The following PRUNE2 variants were observed in gnomAD, a reference collection of about 807,000 sequenced individuals.
PRUNE2 encodes the protein prune homolog 2 with BCH domain.
In PRUNE2, 164 loss-of-function variants were observed where a neutral mutation model predicts 252.0. The observed-to-expected ratio is 0.65, with a 90% CI of 0.57 to 0.74. The LOEUF (loss-of-function observed/expected upper bound fraction) is 0.74. PRUNE2 is among the 30% of genes least tolerant of loss of function. The pLI is 0.00. For synonymous variants in PRUNE2, 1,292 were observed against 1,350.2 expected, an observed-to-expected ratio of 0.96 and a Z score of 0.94; for missense variants, 3,495 against 3,711.0, an observed-to-expected ratio of 0.94 and a Z score of 1.51.
rs6560557 is a variant in PRUNE2, at chr9:76,871,785, C to T, written c.37-17577G>A. On this transcript the variant is annotated intron_variant, in intron 1 of 18. Coordinates refer to ENST00000376718, the MANE Select transcript of PRUNE2 (RefSeq NM_015225.3). The stretch of plus-strand genomic sequence containing the variant: ...CTGGGACTACAGGTACATGCCACCC[C>T]GCCTGGCCAATTTTTGTATTTTTAG... Among the ~76,000 whole-genome samples the T allele has an allele frequency of 9.0e-3, 1,371 of 152,144 alleles. 8 individuals are homozygous for T. The highest frequency in any genetic ancestry group is 0.024 in the African/African-American group (979 of 41,494).
intron 6 of PRUNE2, among the ~76,000 whole-genome samples, chr9:76,746,834 A>G (rs531881502): frequency 1.6e-4 from 24 of 151,536 alleles, no homozygotes; most frequent in African/African-American, 5.8e-4. Context: ...AGGAGCTCAC[A>G]CCCCTTCTCA....
chr9:76,706,816 G>A lies in PRUNE2; in HGVS notation c.5458C>T (p.Leu1820=), dbSNP rs540233367. Residue 1820 remains leucine (L), a synonymous_variant, in exon 8 of 19, where the codon CTG becomes TTG. Coordinates refer to ENST00000376718, the MANE Select transcript of PRUNE2 (RefSeq NM_015225.3). ...TCAGTGCTATCAGCTGAGAAGCCCA[G>A]CATTTCCAGTTGAGAATTATCTTCG... The part of the protein sequence containing the change: ...KNEDNSQLEM[L]GFSADSTEWW... 24 of 1,600,274 alleles carry A rather than the reference G, an allele frequency of 1.5e-5. No individual in the cohort carries two copies. Among genetic ancestry groups the A allele is most frequent in the Non-Finnish European group, 2.0e-5 (23 of 1,173,540 alleles).
chr9:76,873,764 G>A (rs550411933), intron 1 of PRUNE2, among the ~76,000 whole-genome samples: 5 of 152,274 alleles, frequency 3.3e-5, no homozygotes, highest in African/African-American at 7.2e-5. Context: ...ACACAATATC[G>A]ATGGCATTTA....
At chr9:76,754,959 G>A (rs1200854690) in intron 6 of PRUNE2, among the ~76,000 whole-genome samples, 22 of 108,820 alleles carry the variant, frequency 2.0e-4, no homozygotes, top group Admixed American at 9.9e-5. Flanking sequence ...AGTGAGACTC[G>A]GTCTCAAAAA....
At chr9:76,629,000 C>G (rs537398428) in intron 16 of PRUNE2, among the ~76,000 whole-genome samples, 192 bp downstream of exon 16, 8 of 152,168 alleles carry the variant, frequency 5.3e-5, no homozygotes, top group African/African-American at 1.9e-4. Context: ...AATGCCATCA[C>G]GCCTGGCTAA....
chr9:76,825,015 G>A (rs1187824920), intron 5 of PRUNE2, among the ~76,000 whole-genome samples: 1 of 152,034 alleles, frequency 6.6e-6, no homozygotes, highest in African/African-American at 2.4e-5. Context: ...CGCTGCAAAG[G>A]CCCCACCCCA....
chr9:76,674,640 A>G (rs1272611092), intron 9 of PRUNE2, among the ~76,000 whole-genome samples: 1 of 150,312 alleles, frequency 6.7e-6, no homozygotes, highest in African/African-American at 2.4e-5. Flanking sequence ...AGCTGGAGGC[A>G]TCACACTACC....
At chr9:76,679,994 GA>G (rs1404997585) in intron 9 of PRUNE2, among the ~76,000 whole-genome samples, 2 of 151,986 alleles carry the variant, frequency 1.3e-5, no homozygotes, top group Admixed American at 6.6e-5. Flanking sequence ...GGCAACAAAA[GA>G]AAAAATAGAT....
intron 7 of PRUNE2, among the ~76,000 whole-genome samples, chr9:76,712,130 G>C (rs2046783714): frequency 6.6e-6 from 1 of 152,130 alleles, no homozygotes; most frequent in Admixed American, 6.5e-5. Context: ...AGCTCACATA[G>C]ATACTACTAC....
At chr9:76,821,070 A>G (rs966488148) in intron 6 of PRUNE2, among the ~76,000 whole-genome samples, 7 of 152,224 alleles carry the variant, frequency 4.6e-5, no homozygotes, top group Non-Finnish European at 8.8e-5. Context: ...AAACAAATTC[A>G]AAAGCAACGG....
intron 9 of PRUNE2, among the ~76,000 whole-genome samples, chr9:76,662,764 G>A (rs1418380571): frequency 1.3e-5 from 2 of 152,158 alleles, no homozygotes. Flanking sequence ...GGGGTCCATT[G>A]TTCTTTAGAA....
At chr9:76,628,909 ATCACAGC>A (rs1836174492) in intron 16 of PRUNE2, among the ~76,000 whole-genome samples, 2 of 151,600 alleles carry the variant, frequency 1.3e-5, no homozygotes, top group South Asian at 4.1e-4. Context: ...CAGTGGCACG[ATCACAGC>A]TCACTGCAGC....
chr9:76,858,632 T>C (rs1289978474), intron 1 of PRUNE2, among the ~76,000 whole-genome samples: 4 of 151,740 alleles, frequency 2.6e-5, no homozygotes, highest in Non-Finnish European at 4.4e-5. Context: ...AGGGAAGGGA[T>C]AGCATTAGGA....
intron 6 of PRUNE2, among the ~76,000 whole-genome samples, chr9:76,765,804 C>T (rs2052301907): frequency 6.6e-6 from 1 of 152,186 alleles, no homozygotes; most frequent in Non-Finnish European, 1.5e-5. Context: ...ACTCACTTTC[C>T]TTATCTATGA....
intron 6 of PRUNE2, chr9:76,819,421 AC>A (rs2057902635): frequency 6.6e-6 from 1 of 152,214 alleles, no homozygotes; most frequent in Non-Finnish European, 1.5e-5. Context: ...ACTACAGATT[AC>A]CAGCAAACCA....
chr9:76,687,736 G>T, intron 9 of PRUNE2: 2 of 239,390 alleles, frequency 8.4e-6, no homozygotes, highest in Non-Finnish European at 9.1e-6. Context: ...AAAAAGAATG[G>T]ATCAGAGACA....
chr9:76,905,897 GCA>G (rs763398853), intron 1 of PRUNE2, 29 bp downstream of exon 1: 13 of 1,612,802 alleles, frequency 8.1e-6, no homozygotes, highest in African/African-American at 1.3e-5. Context: ...ACGCGCGCGC[GCA>G]CACACACAGC....
In PRUNE2 at chr9:76,823,553, T is replaced by C. The variant is rs576049894; in HGVS notation, c.756+79A>G. ...AAAGGACTATCATGGACTTATCCAA[T>C]GGAGAGAGTTACATTCCAGTTGCTC... On this transcript the variant is annotated intron_variant, in intron 6 of 18. Coordinates refer to ENST00000376718, the MANE Select transcript of PRUNE2 (RefSeq NM_015225.3). 87 of 838,724 alleles carry C rather than the reference T, an allele frequency of 1.0e-4. No homozygotes were observed. In the Middle Eastern group the frequency reaches 1.1e-3, roughly 11 times the overall value. 52.0% of individuals were successfully genotyped at this position (838,724 alleles called of 1,614,324 possible).
At chr9:76,729,941 T>G (rs947219751) in intron 6 of PRUNE2, among the ~76,000 whole-genome samples, 1 of 152,350 alleles carries the variant, frequency 6.6e-6, no homozygotes, top group Admixed American at 6.5e-5. Context: ...GTCTGCCAAT[T>G]TTTTATAGCT....
Sources: gnomAD v4.1 joint callset for allele counts (sites outside exome capture counted in the v4.1 genomes callset) on GRCh38, gnomAD v4.1.1 for gene constraint, MANE v1.5 for transcripts, NCBI Gene and HGNC (gene_info 2026-07-23, HGNC 2026-07-21) for gene names.